Variants in RNF216 observed in about 807,000 individuals in gnomAD.
RNF216 encodes ring finger protein 216, also known as E3 ubiquitin-protein ligase RNF216.
In RNF216, 72 loss-of-function variants were observed where a neutral mutation model predicts 110.8. The ratio of observed to expected loss-of-function variants is 0.65; its 90% CI spans 0.54 to 0.79. RNF216 has a LOEUF of 0.79. RNF216 is among the 30% of genes least tolerant of loss of function. The pLI is 0.00. For missense variants in RNF216, 1,342 were observed against 1,141.2 expected (o/e 1.18, Z -2.54); for synonymous variants, 495 against 407.5 (o/e 1.21, Z -2.59).
At position 5,718,901 on chromosome 7, in the gene RNF216, G is replaced by A. The variant is rs1262559747; in HGVS notation, c.1644+2132C>T. On this transcript the variant is annotated intron_variant, in intron 9 of 16. Coordinates refer to ENST00000389902, the MANE Select transcript of RNF216 (RefSeq NM_207111.4). Reference sequence around the variant, plus strand: ...CTTGAACTCCTGGCCTCAAGTGATTGCCTGCCTTGGCCTCCCAAAGTGCTG... The same window carrying A: ...CTTGAACTCCTGGCCTCAAGTGATTACCTGCCTTGGCCTCCCAAAGTGCTG... 2.0e-5 allele frequency among the ~76,000 whole-genome samples: 3 copies of A among 152,034 alleles called. No homozygotes were observed. The East Asian group carries it at 5.8e-4, about 29-fold the overall frequency.
At chr7:5,762,560 C>T (rs947015793) in intron 1 of RNF216, among the ~76,000 whole-genome samples, 8 of 151,632 alleles carry the variant, frequency 5.3e-5, no homozygotes, top group Non-Finnish European at 7.4e-5. Flanking sequence ...GGTGTGGTGA[C>T]GGGCACCTGA....
rs852377 is a variant in RNF216 at position 5,635,470 on chromosome 7, A to G, written c.2382+5684T>C. ...AAGCCAAAAATCAGTTTCCAACCTA[A>G]AAGTCTAAAATACCTTTCCTTACCA... On this transcript the variant is annotated intron_variant, in intron 15 of 16. Transcript: ENST00000389902. Among the ~76,000 whole-genome samples, 766 of 152,204 alleles carry G rather than the reference A, an allele frequency of 5.0e-3. 9 individuals carry two copies. The highest frequency in any genetic ancestry group is 7.8e-3 in the Admixed American group (119 of 15,292).
chr7:5,741,694 C>T lies in RNF216; in HGVS notation c.323G>A (p.Ser108Asn), dbSNP rs986109288. Residue 108 changes from serine (S) to asparagine (N), a missense_variant, in exon 4 of 17, where the codon AGC (serine) becomes AAC (asparagine). Physicochemically the swap from Ser to Asn is conservative, Grantham distance 46 (BLOSUM62 1). Transcript: ENST00000389902. Reference sequence around the variant, plus strand: ...GTTGTTACACACTGAAAAATAGCTGCTCTTATCTGATTCAAATGCTGCTCT... The same window carrying T: ...GTTGTTACACACTGAAAAATAGCTGTTCTTATCTGATTCAAATGCTGCTCT... ...KSRAAFESDK[S>N]SYFSVCNNPL... 44 of 1,614,208 alleles carry T rather than the reference C, an allele frequency of 2.7e-5. No homozygotes were observed. The highest frequency in any genetic ancestry group is 3.6e-5 in the Non-Finnish European group (43 of 1,180,042).
At chr7:5,763,017 G>C (rs189786315) in intron 1 of RNF216, among the ~76,000 whole-genome samples, 72 of 152,268 alleles carry the variant, frequency 4.7e-4, no homozygotes, top group Non-Finnish European at 1.2e-4. Context: ...CAGAAACACA[G>C]AAGTTATTGA....
At chr7:5,711,960 ACTC>A in intron 12 of RNF216, 121 bp from the exon 13 acceptor site, 1 of 771,982 alleles carries the variant, frequency 1.3e-6, no homozygotes, top group Non-Finnish European at 2.1e-6. Context: ...TCCCCTTTAT[ACTC>A]CTTAGTTTTC....
At chr7:5,748,067 T>C (rs1329019254) in intron 3 of RNF216, among the ~76,000 whole-genome samples, 9 of 152,244 alleles carry the variant, frequency 5.9e-5, no homozygotes, top group East Asian at 5.8e-4. Flanking sequence ...TCCATACCAA[T>C]AGGCGGTATC....
Position 5,741,630 on chromosome 7 carries a change from A to G in RNF216, c.387T>C (p.Asp129=). The G allele has an allele frequency of 6.2e-7, 1 of 1,614,148 alleles. No individual in the cohort carries two copies. The highest frequency in any genetic ancestry group is 8.5e-7 in the Non-Finnish European group (1 of 1,180,028). The change falls in exon 4 of 17, where the codon GAT becomes GAC. Residue 129 remains aspartate, a synonymous_variant. Transcript: ENST00000389902. ...CAAGATCCAGAAATTCACCGTAGTCATCCTCAGAATCATCCTGTGCCCCAG... is the reference window on the plus strand; with the variant it reads ...CAAGATCCAGAAATTCACCGTAGTCGTCCTCAGAATCATCCTGTGCCCCAG... The part of the protein sequence containing the change: ...FDSGAQDDSE[D]DYGEFLDLGP...
chr7:5,762,526 T>C, intron 1 of RNF216, among the ~76,000 whole-genome samples: 1 of 151,274 alleles, frequency 6.6e-6, no homozygotes, highest in Admixed American at 6.6e-5. Context: ...AATAAATAAA[T>C]AATAAAAATA....
chr7:5,736,493 G>A (rs1038424807), intron 5 of RNF216, among the ~76,000 whole-genome samples: 8 of 152,212 alleles, frequency 5.3e-5, no homozygotes, highest in African/African-American at 1.7e-4. Flanking sequence ...CCAGCCGCCT[G>A]CCTTGGCCTC....
chr7:5,767,839 T>C (rs1439454571), intron 1 of RNF216, among the ~76,000 whole-genome samples: 1 of 152,170 alleles, frequency 6.6e-6, no homozygotes, highest in Non-Finnish European at 1.5e-5. Context: ...CCTCAGGTGA[T>C]GCATTTGCTT....
chr7:5,709,326 A>G (rs117704835), intron 13 of RNF216, among the ~76,000 whole-genome samples: 3,028 of 152,302 alleles, frequency 0.02, 45 homozygotes, highest in Non-Finnish European at 0.032. Context: ...TCCCAATCAC[A>G]TGGTGCTGTG....
chr7:5,700,810 G>C, intron 13 of RNF216, among the ~76,000 whole-genome samples: 1 of 152,148 alleles, frequency 6.6e-6, no homozygotes, highest in East Asian at 1.9e-4. Context: ...AAGCCTGCCC[G>C]CTGCCATGGG....
chr7:5,759,633 C>CTTCTTTTTTTTTTTT (rs59390560), intron 2 of RNF216, among the ~76,000 whole-genome samples: 2 of 131,182 alleles, frequency 1.5e-5, no homozygotes, highest in Non-Finnish European at 1.6e-5. Flanking sequence ...CATTTTTCTT[C>CTTCTTTTTTTTTTTT]TTTTTTTTTT....
chr7:5,682,332 G>A (rs1790709632), intron 13 of RNF216, among the ~76,000 whole-genome samples: 4 of 152,156 alleles, frequency 2.6e-5, no homozygotes. Flanking sequence ...GGGCAGCCAT[G>A]GAGCACATGT....
chr7:5,631,561 T>C (rs1054281590), intron 15 of RNF216, among the ~76,000 whole-genome samples: 4 of 152,142 alleles, frequency 2.6e-5, no homozygotes, highest in African/African-American at 9.7e-5. Flanking sequence ...TGACATGTTT[T>C]CTCCTGACAC....
chr7:5,653,657 A>T (rs1021054649), intron 13 of RNF216, among the ~76,000 whole-genome samples: 2 of 151,730 alleles, frequency 1.3e-5, no homozygotes, highest in African/African-American at 4.8e-5. Flanking sequence ...CAATGATCAC[A>T]GGCATTAAAT....
At position 5,622,848 on chromosome 7, in the gene RNF216, G is replaced by C. The variant is rs751938766; in HGVS notation, c.*12C>G. On this transcript the variant is annotated 3_prime_UTR_variant, in exon 17 of 17. Transcript: ENST00000389902. ...AACGGGCTTTGTGCTGCTCAATGGG[G>C]ATTCGGGGCCATCAGAAGCGATGCC... 4 of 1,587,208 alleles carry C rather than the reference G, an allele frequency of 2.5e-6. No homozygotes were observed. In the African/African-American group the frequency reaches 4.0e-5, roughly 16 times the overall value.
At chr7:5,736,091 T>C (rs954154130) in intron 5 of RNF216, among the ~76,000 whole-genome samples, 3 of 146,580 alleles carry the variant, frequency 2.0e-5, no homozygotes, top group African/African-American at 7.5e-5. Context: ...AGACTCCGTC[T>C]CAAAAATAAA....
intron 13 of RNF216, among the ~76,000 whole-genome samples, chr7:5,663,893 G>A (rs955811807): frequency 6.6e-6 from 1 of 151,594 alleles, no homozygotes; most frequent in African/African-American, 2.4e-5. Context: ...GAGGGAGTCC[G>A]TCTCAAAAAA....
Sources: allele counts gnomAD v4.1 joint callset (sites outside exome capture counted in the v4.1 genomes callset), GRCh38; gene constraint gnomAD v4.1.1; transcripts MANE v1.5; gene names NCBI Gene and HGNC (gene_info 2026-07-23, HGNC 2026-07-21).